Variants in SNX25 observed in about 807,000 individuals in gnomAD.
SNX25 encodes the protein sorting nexin 25, also known as sorting nexin-25.
In SNX25, 62 loss-of-function variants were observed where a neutral mutation model predicts 113.7. The observed-to-expected ratio is 0.55, with a 90% CI of 0.44 to 0.67. The LOEUF (loss-of-function observed/expected upper bound fraction) is 0.67, where lower values mean the gene tolerates loss of function less well. SNX25 is among the 30% of genes least tolerant of loss of function. The probability of loss-of-function intolerance (pLI) is 0.00; values close to 1 mark genes in which losing one functional copy is unlikely to be tolerated. For synonymous variants in SNX25, 421 were observed against 436.2 expected, an observed-to-expected ratio of 0.97 and a Z score of 0.43; for missense variants, 1,014 against 1,161.0, an observed-to-expected ratio of 0.87 and a Z score of 1.84.
intron 6 of SNX25, among the ~76,000 whole-genome samples, chr4:185,300,840 GACACACACACACAC>G (rs58762122): frequency 1.4e-5 from 2 of 140,684 alleles, no homozygotes; most frequent in African/African-American, 2.7e-5. Flanking sequence ...TGATTATTAT[GACACACACACACAC>G]ACACACACAC....
At chr4:185,335,687 G>A (rs983549354) in intron 10 of SNX25, among the ~76,000 whole-genome samples, 1 of 152,084 alleles carries the variant, frequency 6.6e-6, no homozygotes, top group Non-Finnish European at 1.5e-5. Context: ...CAGAGATTTT[G>A]TGAGTCTGGA....
intron 5 of SNX25, among the ~76,000 whole-genome samples, chr4:185,271,247 T>C (rs1748881875): frequency 6.6e-6 from 1 of 152,204 alleles, no homozygotes; most frequent in Admixed American, 6.5e-5. Context: ...CTTGGAGGTA[T>C]TTGGATTAGA....
chr4:185,294,365 G>A (rs74664865), intron 6 of SNX25, among the ~76,000 whole-genome samples: 1 of 152,056 alleles, frequency 6.6e-6, no homozygotes, highest in African/African-American at 2.4e-5. Flanking sequence ...GATGGAATCC[G>A]CACAAGTCAT....
chr4:185,357,073 A>G (rs1223989254), intron 15 of SNX25, among the ~76,000 whole-genome samples: 2 of 152,200 alleles, frequency 1.3e-5, no homozygotes, highest in Non-Finnish European at 2.9e-5. Context: ...GGTTCAGAGA[A>G]GGTGACTTGT....
Position 185,339,383 on chromosome 4 carries a change from T to A in SNX25, c.1919T>A (p.Val640Asp). Residue 640 changes from valine to aspartate, a missense_variant, in exon 11 of 19, where the codon GTT becomes GAT. Physicochemically the swap from Val to Asp is radical, Grantham distance 152. Coordinates refer to ENST00000652585, the MANE Select transcript of SNX25 (RefSeq NM_001378034.2). Reference protein sequence around the residue: ...QNAPKPDKKIVSKLKDEIILI... With the variant: ...QNAPKPDKKIDSKLKDEIILI... ...AGGATATTTTCCCTGTGGCAGATTGTTTCCAAGTTGAAGGATGAAATAATC... is the reference window on the plus strand; with the variant it reads ...AGGATATTTTCCCTGTGGCAGATTGATTCCAAGTTGAAGGATGAAATAATC... The A allele has an allele frequency of 6.2e-7, 1 of 1,613,866 alleles. No individual in the cohort carries two copies. Among genetic ancestry groups the A allele is most frequent in the Non-Finnish European group, 8.5e-7 (1 of 1,179,874 alleles).
intron 9 of SNX25, among the ~76,000 whole-genome samples, chr4:185,326,253 G>T (rs1163449191): frequency 1.3e-5 from 2 of 152,128 alleles, no homozygotes; most frequent in East Asian, 3.9e-4. Context: ...TCTCCTGTTA[G>T]TTCAGTTCGT....
At chr4:185,312,744 C>G (rs2095041385) in intron 7 of SNX25, among the ~76,000 whole-genome samples, 1 of 152,086 alleles carries the variant, frequency 6.6e-6, no homozygotes, top group African/African-American at 2.4e-5. Context: ...GCAGGATGGT[C>G]TCGATATCCT....
In SNX25 at chr4:185,346,540, G is replaced by A. The variant is rs763771317; in HGVS notation, c.2191G>A (p.Val731Ile). 48 of 1,582,108 alleles carry A rather than the reference G, an allele frequency of 3.0e-5. No homozygotes were observed. Among genetic ancestry groups the A allele is most frequent in the South Asian group, 3.5e-5 (3 of 84,794 alleles). ...QNLHRKLSEC[V>I]PSLKKVQLPS... The stretch of plus-strand genomic sequence containing the variant: ...ATTTCATTTTTTCCCCCCACAGTGC[G>A]TCCCTTCTTTAAAAAAAGTCCAGTT... The change falls in exon 13 of 19, where the codon GTC becomes ATC. Residue 731 changes from valine (V) to isoleucine (I), a missense_variant. Transcript: ENST00000652585.
intron 16 of SNX25, among the ~76,000 whole-genome samples, chr4:185,358,812 T>A (rs547658851): frequency 5.6e-4 from 85 of 151,782 alleles, no homozygotes; most frequent in African/African-American, 2.0e-3. Flanking sequence ...TCTAGAAATT[T>A]AAAAAAAAAT....
At chr4:185,292,699 G>C (rs1425877006) in intron 6 of SNX25, among the ~76,000 whole-genome samples, 1 of 152,098 alleles carries the variant, frequency 6.6e-6, no homozygotes, top group Non-Finnish European at 1.5e-5. Flanking sequence ...CACCGCACCC[G>C]GCCATGGACA....
In SNX25 at chr4:185,209,744, C is replaced by G; in HGVS notation, c.-83C>G. On this transcript the variant is annotated 5_prime_UTR_variant, in exon 1 of 19. Transcript: ENST00000652585. The surrounding 1 kb of genome is among the most constrained non-coding windows in gnomAD (Gnocchi z 5.2). ...CGGTGGGCCGCGGGCGAGGCATGAG[C>G]GCGGGCTCCCCCTGCCTCCGGAGCG... 1.0e-6 allele frequency: 1 copy of G among 984,026 alleles called. No individual in the cohort carries two copies. The highest frequency in any genetic ancestry group is 4.7e-5 in the South Asian group (1 of 21,280). 61.0% of individuals were successfully genotyped at this position (984,026 alleles called of 1,614,324 possible). A position where few individuals can be genotyped will look rare whatever the true frequency, so the allele number is the denominator to read the frequency against.
intron 1 of SNX25, among the ~76,000 whole-genome samples, chr4:185,225,142 G>A (rs1172160533): frequency 6.2e-5 from 8 of 129,986 alleles, no homozygotes; most frequent in Admixed American, 6.0e-4. Context: ...TTTTTGAGAT[G>A]GAGTCTCGCT....
intron 1 of SNX25, among the ~76,000 whole-genome samples, chr4:185,240,027 A>G (rs1743454143): frequency 6.6e-6 from 1 of 151,034 alleles, no homozygotes; most frequent in African/African-American, 2.4e-5. Context: ...CACCACCCTT[A>G]ATCCATTCAA....
intron 8 of SNX25, 67 bp downstream of exon 8, chr4:185,320,931 T>C (rs1444124289): frequency 7.2e-7 from 1 of 1,393,704 alleles, no homozygotes; most frequent in Non-Finnish European, 9.5e-7. Flanking sequence ...TGAGGCAGCA[T>C]GTCTGTTTTT....
chr4:185,378,433 G>A, the SNX25 span: 35 of 1,315,778 alleles, frequency 2.7e-5, no homozygotes, highest in East Asian at 2.9e-4. Flanking sequence ...CCACAGCATC[G>A]CATTCACCAT....
chr4:185,224,922 A>G lies in SNX25; in HGVS notation c.429+14667A>G, dbSNP rs567004222. Among the ~76,000 whole-genome samples the G allele has an allele frequency of 2.6e-5, 4 of 151,874 alleles. No homozygotes were observed. The South Asian group carries it at 8.3e-4, about 32-fold the overall frequency. On this transcript the variant is annotated intron_variant, in intron 1 of 18. Transcript: ENST00000652585. ...ATCTGGAATTAACCATTTCTCCAAGAGGAGCCCTGTTTGTTTTTTTAAAGT... is the reference window on the plus strand; with the variant it reads ...ATCTGGAATTAACCATTTCTCCAAGGGGAGCCCTGTTTGTTTTTTTAAAGT...
chr4:185,264,373 C>T, intron 3 of SNX25, 65 bp from the exon 4 acceptor site: 2 of 1,429,966 alleles, frequency 1.4e-6, no homozygotes, highest in South Asian at 1.3e-5. Flanking sequence ...TATTTTTTAC[C>T]TAATAGTACA....
intron 2 of SNX25, among the ~76,000 whole-genome samples, chr4:185,255,209 C>G (rs748802712): frequency 2.6e-5 from 4 of 152,054 alleles, no homozygotes; most frequent in Non-Finnish European, 5.9e-5. Flanking sequence ...TCTCGGCTCA[C>G]TGCAACCTAC....
chr4:185,258,957 A>G lies in SNX25; in HGVS notation c.624A>G (p.Arg208=), dbSNP rs1374828123. Residue 208 remains arginine, a synonymous_variant, in exon 3 of 19, where the codon AGA becomes AGG. Transcript: ENST00000652585. ...TGGAAGACTTTTGGGAAATTGCCAG[A>G]CAGCTGCACCACAGACTGAGTCACG... The part of the protein sequence containing the change: ...LLLEDFWEIA[R]QLHHRLSHVD... 1.9e-6 allele frequency: 3 copies of G among 1,614,206 alleles called. No homozygotes were observed. The highest frequency in any genetic ancestry group is 2.5e-6 in the Non-Finnish European group (3 of 1,180,030).
Sources: allele counts gnomAD v4.1 joint callset (sites outside exome capture counted in the v4.1 genomes callset), GRCh38; gene constraint gnomAD v4.1.1; non-coding constraint Gnocchi (gnomAD v3.1); transcripts MANE v1.5; gene names NCBI Gene and HGNC (gene_info 2026-07-23, HGNC 2026-07-21).